DCDC1: variants seen among roughly 807,000 people sequenced by gnomAD.
DCDC1 encodes the protein doublecortin domain containing 1.
In DCDC1, 200 loss-of-function variants were observed where a neutral mutation model predicts 178.3. The observed-to-expected ratio is 1.12, with a 90% CI of 1.00 to 1.26. The LOEUF (loss-of-function observed/expected upper bound fraction) is 1.26. Among genes scored for constraint, DCDC1 ranks in the 50% most tolerant of loss-of-function variants. DCDC1 has a pLI of 0.00. For synonymous variants in DCDC1, 690 were observed against 604.8 expected (o/e 1.14, Z -2.07); for missense variants, 1,983 against 1,749.2 (o/e 1.13, Z -2.38).
At chr11:31,053,526 A>C (rs1955398307) in intron 20 of DCDC1, among the ~76,000 whole-genome samples, 1 of 152,150 alleles carries the variant, frequency 6.6e-6, no homozygotes, top group Non-Finnish European at 1.5e-5. Flanking sequence ...GACATAACCA[A>C]AAAAGAAAAC....
chr11:31,105,743 T>C (rs986639217), intron 13 of DCDC1, among the ~76,000 whole-genome samples: 2 of 152,158 alleles, frequency 1.3e-5, no homozygotes, highest in Non-Finnish European at 2.9e-5. Context: ...CCACAACTTA[T>C]TCTAGCAACA....
At chr11:31,354,759 C>T (rs888646207) in intron 1 of DCDC1, among the ~76,000 whole-genome samples, 5 of 152,264 alleles carry the variant, frequency 3.3e-5, no homozygotes, top group Admixed American at 1.3e-4. Context: ...GCTAGACCAA[C>T]GGCTACTGAT....
chr11:31,334,825 G>T (rs967213182), intron 2 of DCDC1, among the ~76,000 whole-genome samples: 1 of 152,190 alleles, frequency 6.6e-6, no homozygotes, highest in Non-Finnish European at 1.5e-5. Context: ...GGCCCCTGCT[G>T]GGAAGTGTCT....
intron 20 of DCDC1, among the ~76,000 whole-genome samples, chr11:31,040,667 C>A (rs982384002): frequency 1.3e-5 from 2 of 152,110 alleles, no homozygotes; most frequent in Non-Finnish European, 2.9e-5. Context: ...AGGGTTTAAC[C>A]CTTTAGGGCC....
chr11:30,981,256 T>A (rs1394471443), intron 20 of DCDC1, among the ~76,000 whole-genome samples: 2 of 151,994 alleles, frequency 1.3e-5, no homozygotes, highest in Non-Finnish European at 2.9e-5. Context: ...ACCATTTGAG[T>A]GATGGGCACA....
At chr11:31,111,876 T>C (rs1334799272) in intron 11 of DCDC1, among the ~76,000 whole-genome samples, 1 of 152,132 alleles carries the variant, frequency 6.6e-6, no homozygotes, top group Non-Finnish European at 1.5e-5. Context: ...TTCTAGAAAA[T>C]AGCAGTGCCA....
intron 9 of DCDC1, among the ~76,000 whole-genome samples, chr11:31,210,218 C>A (rs571862266): frequency 3.2e-4 from 48 of 152,174 alleles, no homozygotes; most frequent in Non-Finnish European, 5.6e-4. Flanking sequence ...TGCCCTCCCA[C>A]GCAAAGAGAA....
chr11:31,055,234 C>T (rs1401400860), intron 20 of DCDC1, among the ~76,000 whole-genome samples: 8 of 151,934 alleles, frequency 5.3e-5, no homozygotes, highest in African/African-American at 7.2e-5. Context: ...TATGAAAAAA[C>T]GCTCCACACC....
chr11:31,104,747 A>G (rs1958740250), intron 13 of DCDC1, among the ~76,000 whole-genome samples: 1 of 152,040 alleles, frequency 6.6e-6, no homozygotes, highest in Non-Finnish European at 1.5e-5. Context: ...TGAAATTTTA[A>G]TGTCTGGAAT....
chr11:31,184,170 A>G (rs900338608), intron 9 of DCDC1, among the ~76,000 whole-genome samples: 1 of 152,226 alleles, frequency 6.6e-6, no homozygotes, highest in African/African-American at 2.4e-5. Flanking sequence ...AAGCCTGACA[A>G]AAAACAAGCA....
intron 9 of DCDC1, among the ~76,000 whole-genome samples, chr11:31,239,721 G>T (rs1976880876): frequency 6.6e-6 from 1 of 151,726 alleles, no homozygotes; most frequent in Non-Finnish European, 1.5e-5. Context: ...TTTACAGACT[G>T]CCCAAACAGA....
chr11:31,009,437 T>TG (rs1952037344), intron 20 of DCDC1, among the ~76,000 whole-genome samples: 4 of 121,812 alleles, frequency 3.3e-5, no homozygotes, highest in African/African-American at 1.4e-4. Flanking sequence ...TCACAGTTTC[T>TG]TTGTGTGTGT....
At chr11:31,329,528 C>G (rs561383184) in intron 2 of DCDC1, among the ~76,000 whole-genome samples, 1 of 151,964 alleles carries the variant, frequency 6.6e-6, no homozygotes, top group Non-Finnish European at 1.5e-5. Context: ...GGTATTTCTC[C>G]GAATGCTATC....
In DCDC1 at chr11:31,127,583, G is replaced by C. The variant is rs1961823891; in HGVS notation, c.1371C>G (p.Leu457=). Residue 457 remains leucine (L), a synonymous_variant, in exon 11 of 39, where the codon CTC becomes CTG. Coordinates refer to ENST00000684477, the MANE Select transcript of DCDC1 (RefSeq NM_001387274.1). ...CCTGTAATTGGGGGCCAAGTTTACA[G>C]AGATGACCTATGTTACTTTTGATAG... ...QTAIKSNIGH[L]CKLGPQLQAE... The C allele has an allele frequency of 1.4e-6, 1 of 702,596 alleles. No homozygotes were observed. Among genetic ancestry groups the C allele is most frequent in the African/African-American group, 1.7e-5 (1 of 57,226 alleles). The allele number at this position is 702,596 out of a possible 1,614,324, so 43.5% of individuals were successfully genotyped here.
chr11:31,081,380 C>T (rs185157855), intron 17 of DCDC1, among the ~76,000 whole-genome samples: 85 of 152,062 alleles, frequency 5.6e-4, no homozygotes, highest in African/African-American at 1.9e-3. Flanking sequence ...GAGGCCGAGG[C>T]GGGTGGATCA....
At chr11:31,101,983 G>C (rs564986860) in intron 15 of DCDC1, among the ~76,000 whole-genome samples, 194 bp downstream of exon 15, 1 of 151,796 alleles carries the variant, frequency 6.6e-6, no homozygotes, top group South Asian at 2.1e-4. Flanking sequence ...AGGCTGAGGC[G>C]GGAGAATCGC....
intron 20 of DCDC1, among the ~76,000 whole-genome samples, chr11:30,954,351 G>GA (rs1187574181): frequency 1.3e-5 from 2 of 151,896 alleles, no homozygotes; most frequent in Non-Finnish European, 2.9e-5. Flanking sequence ...TTAATTTCTG[G>GA]AAAAAACCTC....
chr11:31,325,848 A>T (rs1007265395), intron 3 of DCDC1, among the ~76,000 whole-genome samples: 5 of 152,182 alleles, frequency 3.3e-5, no homozygotes, highest in Non-Finnish European at 7.4e-5. Context: ...ACAAGATGGT[A>T]GAAGAAAGGT....
At chr11:31,336,508 G>A (rs1192221035) in intron 1 of DCDC1, among the ~76,000 whole-genome samples, 1 of 152,234 alleles carries the variant, frequency 6.6e-6, no homozygotes, top group African/African-American at 2.4e-5. Context: ...AGCTCATGGA[G>A]TGTTTAGCAA....
Sources: allele counts gnomAD v4.1 joint callset (sites outside exome capture counted in the v4.1 genomes callset), GRCh38; gene constraint gnomAD v4.1.1; transcripts MANE v1.5; gene names NCBI Gene and HGNC (gene_info 2026-07-23, HGNC 2026-07-21).